Variants in FOCAD observed in about 807,000 individuals in gnomAD.
The protein encoded by FOCAD is KIAA1797.
FOCAD carries 198 observed loss-of-function variants against 225.6 expected under a neutral mutation model. The ratio of observed to expected loss-of-function variants is 0.88; its 90% confidence interval spans 0.78 to 0.99. The LOEUF (loss-of-function observed/expected upper bound fraction) is 0.99, where lower values mean the gene tolerates loss of function less well. FOCAD is among the 50% of genes least tolerant of loss of function. FOCAD has a pLI of 0.00. For synonymous variants in FOCAD, 897 were observed against 755.0 expected (o/e 1.19, Z -3.08); for missense variants, 2,713 against 2,123.6 (o/e 1.28, Z -5.46).
At chr9:20,770,277 A>C (rs760038872) in intron 8 of FOCAD, 39 bp downstream of exon 8, 2 of 1,525,798 alleles carry the variant, frequency 1.3e-6, no homozygotes, top group Non-Finnish European at 1.8e-6. Flanking sequence ...ATGCATTGCT[A>C]TTAAGAAATA....
At chr9:20,798,392 C>T in intron 11 of FOCAD, among the ~76,000 whole-genome samples, 1 of 152,034 alleles carries the variant, frequency 6.6e-6, no homozygotes, top group Non-Finnish European at 1.5e-5. Context: ...CCCTCTTTTT[C>T]TATTGATTGG....
At chr9:20,753,075 T>C (rs960998991) in intron 5 of FOCAD, among the ~76,000 whole-genome samples, 17 of 152,276 alleles carry the variant, frequency 1.1e-4, no homozygotes, top group African/African-American at 4.1e-4. Flanking sequence ...TCAATGGGGT[T>C]TTCTAGATAT....
At chr9:20,765,976 G>C (rs1437375437) in intron 7 of FOCAD, among the ~76,000 whole-genome samples, 1 of 152,190 alleles carries the variant, frequency 6.6e-6, no homozygotes. Context: ...TTATAAATAG[G>C]CTTTCCTGTA....
intron 21 of FOCAD, among the ~76,000 whole-genome samples, chr9:20,890,525 A>G (rs1408146136): frequency 6.6e-6 from 1 of 151,546 alleles, no homozygotes; most frequent in African/African-American, 2.4e-5. Flanking sequence ...CCTGGGATAC[A>G]CTCCGCTTGA....
rs770837350 is a variant in FOCAD, at chr9:20,866,948, C to A, written c.2126C>A (p.Ala709Asp). 10 of 947,886 alleles carry A rather than the reference C, an allele frequency of 1.1e-5. No individual in the cohort carries two copies. The highest frequency in any genetic ancestry group is 1.5e-5 in the Non-Finnish European group (10 of 666,512). 58.7% of individuals were successfully genotyped at this position (947,886 alleles called of 1,614,324 possible). A position where few individuals can be genotyped will look rare whatever the true frequency, so the allele number is the denominator to read the frequency against. ...ATCTAGGACCCAATTGTAGCAAATGCTGCATATAGATCCCTGGCCAACTTT... is the reference window on the plus strand; with the variant it reads ...ATCTAGGACCCAATTGTAGCAAATGATGCATATAGATCCCTGGCCAACTTT... The part of the protein sequence containing the change: ...TQNKDPIVAN[A>D]AYRSLANFSA... The change falls in exon 18 of 44, where the codon GCT becomes GAT. Residue 709 changes from alanine (A) to aspartate (D), a missense_variant. Transcript: ENST00000338382.
intron 1 of FOCAD, among the ~76,000 whole-genome samples, chr9:20,703,518 T>C (rs910127276): frequency 1.3e-5 from 2 of 152,172 alleles, no homozygotes; most frequent in African/African-American, 4.8e-5. Context: ...TTGTGAATAG[T>C]GCTGCATTAA....
intron 40 of FOCAD, among the ~76,000 whole-genome samples, chr9:20,987,508 GA>G (rs746481489): frequency 2.1e-3 from 275 of 130,658 alleles, no homozygotes; most frequent in Middle Eastern, 4.0e-3. Flanking sequence ...ACTGCATCTT[GA>G]AAAAAAAAAA....
rs567096716 is a variant in FOCAD, at chr9:20,829,103, G to A, written c.1920+5988G>A. Among the ~76,000 whole-genome samples, 11 of 152,156 alleles carry A rather than the reference G, an allele frequency of 7.2e-5. No individual in the cohort carries two copies. The South Asian group carries it at 2.3e-3, about 32-fold the overall frequency. On this transcript the variant is annotated intron_variant, in intron 15 of 43. Transcript: ENST00000338382. ...GAATAGTGCTGCCATGAATATACGT[G>A]CGCATGTGTCTTTGTAATAGAATGA...
At chr9:20,992,467 A>C (rs1430243652) in intron 42 of FOCAD, among the ~76,000 whole-genome samples, 3 of 152,218 alleles carry the variant, frequency 2.0e-5, no homozygotes, top group Non-Finnish European at 4.4e-5. Flanking sequence ...ACACAGAACC[A>C]GGTGGGAGGC....
At chr9:20,966,133 C>T (rs937955671) in intron 35 of FOCAD, among the ~76,000 whole-genome samples, 1 of 152,102 alleles carries the variant, frequency 6.6e-6, no homozygotes, top group Non-Finnish European at 1.5e-5. Flanking sequence ...AGTGGCCGCA[C>T]TGTTTTACAT....
At chr9:20,902,786 A>C (rs1424302936) in intron 21 of FOCAD, among the ~76,000 whole-genome samples, 1 of 151,880 alleles carries the variant, frequency 6.6e-6, no homozygotes, top group Non-Finnish European at 1.5e-5. Context: ...AAGATAAATC[A>C]GAAATTTCAA....
intron 6 of FOCAD, among the ~76,000 whole-genome samples, chr9:20,760,277 CACTT>C (rs1347412976): frequency 6.6e-6 from 1 of 152,192 alleles, no homozygotes; most frequent in Admixed American, 6.5e-5. Flanking sequence ...GTTTTCATAG[CACTT>C]ACTTGTTGAT....
At chr9:20,888,685 C>G (rs1056451708) in intron 21 of FOCAD, among the ~76,000 whole-genome samples, 1 of 152,088 alleles carries the variant, frequency 6.6e-6, no homozygotes, top group African/African-American at 2.4e-5. Flanking sequence ...GCGGTAGGAA[C>G]CCAGTGGGAG....
chr9:20,929,883 G>A (rs1835304668), intron 27 of FOCAD, among the ~76,000 whole-genome samples: 1 of 152,112 alleles, frequency 6.6e-6, no homozygotes, highest in Non-Finnish European at 1.5e-5. Flanking sequence ...ATGTGTGGTG[G>A]ACATGAGAAA....
chr9:20,689,309 CAGATGACTGT>C (rs1236614671), intron 1 of FOCAD, among the ~76,000 whole-genome samples: 1 of 152,088 alleles, frequency 6.6e-6, no homozygotes, highest in Non-Finnish European at 1.5e-5. Context: ...ATTGCTCACC[CAGATGACTGT>C]AGATGACTGT....
chr9:20,769,989 G>T, intron 7 of FOCAD, 43 bp from the exon 8 acceptor site: 1 of 1,526,778 alleles, frequency 6.5e-7, no homozygotes, highest in Non-Finnish European at 9.0e-7. Context: ...TTATCTTTTG[G>T]TTTGTGTATT....
chr9:20,915,397 A>G (rs1192475366), intron 23 of FOCAD, among the ~76,000 whole-genome samples: 1 of 152,200 alleles, frequency 6.6e-6, no homozygotes, highest in African/African-American at 2.4e-5. Context: ...GAGAACCAAA[A>G]GAGAGTAAAA....
At chr9:20,736,708 A>G (rs994813258) in intron 4 of FOCAD, among the ~76,000 whole-genome samples, 1 of 152,166 alleles carries the variant, frequency 6.6e-6, no homozygotes, top group East Asian at 1.9e-4. Flanking sequence ...TTGAAAAAGC[A>G]TGTAATTTAC....
chr9:20,706,123 T>C (rs10964667), intron 1 of FOCAD, among the ~76,000 whole-genome samples: 45,835 of 151,542 alleles, frequency 0.3, 8,020 homozygotes, highest in South Asian at 0.48. Flanking sequence ...TTTGTAGAGA[T>C]GGAGTCTCCT....
Sources: gnomAD v4.1 joint callset for allele counts (sites outside exome capture counted in the v4.1 genomes callset) on GRCh38, gnomAD v4.1.1 for gene constraint, MANE v1.5 for transcripts, NCBI Gene and HGNC (gene_info 2026-07-23, HGNC 2026-07-21) for gene names.